COL6A6: variants seen among roughly 807,000 people sequenced by gnomAD.
COL6A6 encodes collagen type VI alpha 6 chain.
A neutral mutation model predicts 208.6 loss-of-function variants in COL6A6; 183 were observed. The ratio of observed to expected loss-of-function variants is 0.88; its 90% confidence interval spans 0.78 to 0.99. The LOEUF (loss-of-function observed/expected upper bound fraction) is 0.99. Ranked by LOEUF, COL6A6 falls within the 50% of genes least tolerant of loss-of-function variation. The pLI, the probability that COL6A6 is intolerant of heterozygous loss-of-function variation, is 0.00. For missense variants in COL6A6, 2,816 were observed against 2,815.2 expected (o/e 1.00, Z -0.01); for synonymous variants, 973 against 1,011.8 (o/e 0.96, Z 0.73).
At chr3:130,643,899 C>G (rs2065389583) in intron 31 of COL6A6, among the ~76,000 whole-genome samples, 1 of 152,070 alleles carries the variant, frequency 6.6e-6, no homozygotes, top group Non-Finnish European at 1.5e-5. Flanking sequence ...CTTTTTGTAG[C>G]AGAATAGAAC....
In COL6A6 at chr3:130,574,469, TGAA is replaced by T. The variant is rs1560014035; in HGVS notation, c.3496_3498del (p.Lys1166del). 7 of 1,614,020 alleles carry T rather than the reference TGAA, an allele frequency of 4.3e-6. No homozygotes were observed. In the East Asian group the frequency reaches 1.3e-4, roughly 31 times the overall value. ...CTGACAGTGCACAACTTCGATGAAC[TGAA>T]GAAGGTCAATAAAAGGATCGTTCGC... is the stretch of plus-strand genomic sequence containing the variant. On this transcript the variant is annotated inframe_deletion, in exon 8 of 37. Transcript: ENST00000358511.
chr3:130,533,675 GTATTGTTCCAAGTTTTGTTT>G (rs1250961245), intron 1 of COL6A6, among the ~76,000 whole-genome samples: 2 of 152,084 alleles, frequency 1.3e-5, no homozygotes, highest in African/African-American at 2.4e-5. Flanking sequence ...AAGTTGATTT[GTATTGTTCCAAGTTTTGTTT>G]TAATGTACCT....
chr3:130,618,670 T>C (rs1184634229), intron 23 of COL6A6, among the ~76,000 whole-genome samples: 1 of 152,230 alleles, frequency 6.6e-6, no homozygotes, highest in Non-Finnish European at 1.5e-5. Context: ...TTGAGCCTTA[T>C]TCATCTAAGT....
chr3:130,645,978 G>T (rs2065452356), intron 32 of COL6A6, among the ~76,000 whole-genome samples: 1 of 152,106 alleles, frequency 6.6e-6, no homozygotes, highest in African/African-American at 2.4e-5. Context: ...AGGCATTAGG[G>T]ATACAGAGTT....
intron 33 of COL6A6, among the ~76,000 whole-genome samples, chr3:130,656,524 G>A (rs1270425397): frequency 6.6e-6 from 1 of 152,176 alleles, no homozygotes; most frequent in Non-Finnish European, 1.5e-5. Flanking sequence ...GGGAGGAAGT[G>A]TGTGCTGATT....
intron 8 of COL6A6, among the ~76,000 whole-genome samples, chr3:130,576,994 A>G (rs2063313509): frequency 6.6e-6 from 1 of 152,190 alleles, no homozygotes; most frequent in Non-Finnish European, 1.5e-5. Flanking sequence ...TTGTAAATCT[A>G]AATAATCTCT....
chr3:130,638,487 C>T (rs2065219250), intron 28 of COL6A6, among the ~76,000 whole-genome samples: 1 of 152,184 alleles, frequency 6.6e-6, no homozygotes, highest in South Asian at 2.1e-4. Flanking sequence ...CTGCAATTGT[C>T]CTTCACCTTC....
chr3:130,533,196 C>G (rs2062144226), intron 1 of COL6A6, among the ~76,000 whole-genome samples: 1 of 147,248 alleles, frequency 6.8e-6, no homozygotes, highest in East Asian at 2.0e-4. Flanking sequence ...TATTTTCTAA[C>G]AAGTGCAGTT....
chr3:130,665,049 C>G lies in COL6A6; in HGVS notation c.6549C>G (p.Asn2183Lys). 6.2e-7 allele frequency: 1 copy of G among 1,610,378 alleles called. No individual in the cohort carries two copies. Among genetic ancestry groups the G allele is most frequent in the Non-Finnish European group, 8.5e-7 (1 of 1,178,236 alleles). The change falls in exon 36 of 37, where the codon AAC (asparagine) becomes AAG (lysine). Residue 2183 changes from asparagine to lysine, a missense_variant. Coordinates refer to ENST00000358511, the MANE Select transcript of COL6A6 (RefSeq NM_001102608.3). ...CAATAAACTTAAAAATAAAGTGCAA[C>G]AGACTTAACTCTATAGATCCAAAGC... ...YPPINLKIKCNRLNSIDPKQP... is the reference protein window; with the variant it reads ...YPPINLKIKCKRLNSIDPKQP...
intron 33 of COL6A6, among the ~76,000 whole-genome samples, chr3:130,650,727 C>T (rs986858322): frequency 1.3e-5 from 2 of 150,974 alleles, no homozygotes; most frequent in Non-Finnish European, 2.9e-5. Context: ...AGAAAATTAG[C>T]CAGCTGAATT....
Position 130,589,263 on chromosome 3 carries a change from A to AT in COL6A6, c.4218+86dup, listed in dbSNP as rs201293862. On this transcript the variant is annotated intron_variant, in intron 12 of 36. Transcript: ENST00000358511. ...TGGGTTTAAGTAGAAATAAGGGGTG[A>AT]TTTTTAACTTCTAAATAGAGCCTCT... 3.3e-3 allele frequency: 2,949 copies of AT among 900,602 alleles called. 47 individuals are homozygous for AT. Among genetic ancestry groups the AT allele is most frequent in the East Asian group, 0.028 (1,101 of 39,104 alleles). The allele number at this position is 900,602 out of a possible 1,614,324, so 55.8% of individuals were successfully genotyped here. A position where few individuals can be genotyped will look rare whatever the true frequency, so the allele number is the denominator to read the frequency against.
intron 28 of COL6A6, among the ~76,000 whole-genome samples, chr3:130,639,924 A>G (rs1265029363): frequency 6.6e-6 from 1 of 152,178 alleles, no homozygotes; most frequent in Admixed American, 6.5e-5. Flanking sequence ...GGAGCCATAT[A>G]GAAAAAGAGA....
chr3:130,536,390 G>C (rs1179804161), intron 1 of COL6A6, among the ~76,000 whole-genome samples: 1 of 152,174 alleles, frequency 6.6e-6, no homozygotes, highest in Admixed American at 6.5e-5. Flanking sequence ...CCAGGGTGCA[G>C]CCTGCAAAAA....
intron 4 of COL6A6, among the ~76,000 whole-genome samples, 156 bp downstream of exon 4, chr3:130,565,770 G>T (rs2063005439): frequency 1.3e-5 from 2 of 152,100 alleles, no homozygotes; most frequent in Non-Finnish European, 2.9e-5. Flanking sequence ...GCCTAATTTG[G>T]GGACAATAAA....
intron 32 of COL6A6, among the ~76,000 whole-genome samples, chr3:130,645,235 C>G (rs576877929): frequency 6.6e-6 from 1 of 151,168 alleles, no homozygotes; most frequent in South Asian, 2.1e-4. Flanking sequence ...AATAAAAAAT[C>G]ATTAAGATAT....
At chr3:130,639,323 CCTTT>C (rs1355912486) in intron 28 of COL6A6, among the ~76,000 whole-genome samples, 1 of 151,996 alleles carries the variant, frequency 6.6e-6, no homozygotes, top group African/African-American at 2.4e-5. Flanking sequence ...ATTTTATTTT[CCTTT>C]CTGTTTTGAA....
intron 12 of COL6A6, among the ~76,000 whole-genome samples, chr3:130,590,454 C>A: frequency 7.6e-6 from 1 of 131,966 alleles, no homozygotes; most frequent in Non-Finnish European, 1.6e-5. Context: ...AATGCTATCC[C>A]TCTCCCTCCC....
At chr3:130,560,271 G>A in intron 1 of COL6A6, 63 bp from the exon 2 acceptor site, 1 of 1,012,826 alleles carries the variant, frequency 9.9e-7, no homozygotes, top group Admixed American at 2.2e-5. Flanking sequence ...GTATGCTCTT[G>A]TATGTGAGTC....
At chr3:130,589,863 T>G (rs2063632014) in intron 12 of COL6A6, 1 of 288,196 alleles carries the variant, frequency 3.5e-6, no homozygotes, top group Non-Finnish European at 7.0e-6. Flanking sequence ...TTTACATGTG[T>G]TTTATTTTTG....
Sources: allele counts gnomAD v4.1 joint callset (sites outside exome capture counted in the v4.1 genomes callset), GRCh38; gene constraint gnomAD v4.1.1; transcripts MANE v1.5; gene names NCBI Gene and HGNC (gene_info 2026-07-23, HGNC 2026-07-21).